The following ASPH variants were observed in gnomAD, a reference collection of about 807,000 sequenced individuals.
ASPH encodes the protein aspartyl/asparaginyl beta-hydroxylase.
Under a neutral mutation model 118.4 loss-of-function variants are expected in ASPH, and 100 were observed. The observed-to-expected ratio is 0.84, with a 90% CI of 0.72 to 1.00. ASPH has a LOEUF of 1.00. Ranked by LOEUF, ASPH falls within the 50% of genes least tolerant of loss-of-function variation. The pLI is 0.00. For missense variants in ASPH, 920 were observed against 919.5 expected, an observed-to-expected ratio of 1.00 and a Z score of -0.01; for synonymous variants, 315 against 325.6, an observed-to-expected ratio of 0.97 and a Z score of 0.35.
At chr8:61,530,663 C>T (rs1249508976) in intron 21 of ASPH, among the ~76,000 whole-genome samples, 1 of 152,182 alleles carries the variant, frequency 6.6e-6, no homozygotes, top group Non-Finnish European at 1.5e-5. Context: ...TAAAGCCTAA[C>T]TCATTTTTAT....
chr8:61,697,431 T>C (rs939749079), intron 1 of ASPH, among the ~76,000 whole-genome samples: 2 of 152,292 alleles, frequency 1.3e-5, no homozygotes, highest in African/African-American at 2.4e-5. Context: ...GGCTGTCCTC[T>C]AATTCAATTC....
At chr8:61,676,119 C>CT (rs1825191531) in intron 3 of ASPH, 1 of 1,599,308 alleles carries the variant, frequency 6.3e-7, no homozygotes, top group Non-Finnish European at 8.5e-7. Flanking sequence ...TTTCCCTGAA[C>CT]CCCTTCATTC....
intron 3 of ASPH, among the ~76,000 whole-genome samples, chr8:61,676,613 A>G (rs1181869212): frequency 6.6e-6 from 1 of 152,120 alleles, no homozygotes; most frequent in Non-Finnish European, 1.5e-5. Context: ...TTATCATCAA[A>G]AATCAATGGA....
chr8:61,637,939 T>C lies in ASPH; in HGVS notation c.889+8A>G. Reference sequence around the variant, plus strand: ...GAAGGTAAAACCACTTCCATAAATTTATCTTACCTTCTACAATTACCTGTG... The same window carrying C: ...GAAGGTAAAACCACTTCCATAAATTCATCTTACCTTCTACAATTACCTGTG... On this transcript the variant is annotated splice_region_variant and intron_variant, in intron 12 of 24. Coordinates refer to ENST00000379454, the MANE Select transcript of ASPH (RefSeq NM_004318.4). 1 of 1,605,588 alleles carries C rather than the reference T, an allele frequency of 6.2e-7. No homozygotes were observed. Among genetic ancestry groups the C allele is most frequent in the South Asian group, 1.1e-5 (1 of 89,278 alleles).
In ASPH at chr8:61,589,086, T is replaced by C. The variant is rs113936919; in HGVS notation, c.977-5057A>G. On this transcript the variant is annotated intron_variant, in intron 14 of 24. Coordinates refer to ENST00000379454, the MANE Select transcript of ASPH (RefSeq NM_004318.4). Reference sequence around the variant, plus strand: ...AGCTACAGAAAACAGGTAAGTGGCTTCAGAGGCTGTGGTGGGAAAAGGGGA... The same window carrying C: ...AGCTACAGAAAACAGGTAAGTGGCTCCAGAGGCTGTGGTGGGAAAAGGGGA... Among the ~76,000 whole-genome samples, 1,193 of 152,298 alleles carry C rather than the reference T, an allele frequency of 7.8e-3. 12 individuals carry two copies. Among genetic ancestry groups the C allele is most frequent in the African/African-American group, 0.026 (1,095 of 41,578 alleles).
At chr8:61,603,191 C>CAAAAAA in intron 14 of ASPH, among the ~76,000 whole-genome samples, 2 of 61,348 alleles carry the variant, frequency 3.3e-5, no homozygotes, top group Non-Finnish European at 2.9e-5. Context: ...AGACTTGTCT[C>CAAAAAA]AAAAAAAAAA....
In ASPH at chr8:61,708,119, G is replaced by A. The variant is rs1014775305; in HGVS notation, c.103+6150C>T. The stretch of plus-strand genomic sequence containing the variant: ...GAATCTGATAATGTTTCATTTCTTC[G>A]CCTATATGGTCAGTACATGGGCATC... On this transcript the variant is annotated intron_variant, in intron 1 of 24. Transcript: ENST00000379454. 4.6e-5 allele frequency among the ~76,000 whole-genome samples: 7 copies of A among 152,014 alleles called. No individual in the cohort carries two copies. The South Asian group carries it at 8.3e-4, about 18-fold the overall frequency.
chr8:61,602,406 C>T (rs1044687624), intron 14 of ASPH, among the ~76,000 whole-genome samples: 1 of 151,132 alleles, frequency 6.6e-6, no homozygotes, highest in Non-Finnish European at 1.5e-5. Flanking sequence ...AAAACCAATT[C>T]CTGAAAAAAA....
Position 61,631,104 on chromosome 8 carries a change from G to A in ASPH, c.934+2579C>T, listed in dbSNP as rs528218323. On this transcript the variant is annotated intron_variant, in intron 13 of 24. Transcript: ENST00000379454. ...ACATTTTTGTATGGCTATATGATAT[G>A]TTTGTGTTTTAAACTAATTTTTATT... Among the ~76,000 whole-genome samples, 74 of 152,226 alleles carry A rather than the reference G, an allele frequency of 4.9e-4. 2 individuals are homozygous for A. The South Asian group carries it at 0.011, about 23-fold the overall frequency.
chr8:61,585,150 T>C (rs1364025906), intron 14 of ASPH, among the ~76,000 whole-genome samples: 1 of 152,118 alleles, frequency 6.6e-6, no homozygotes, highest in African/African-American at 2.4e-5. Flanking sequence ...TAGCAAACAG[T>C]TTTTGGCTCT....
At chr8:61,532,149 C>T (rs931549892) in intron 21 of ASPH, among the ~76,000 whole-genome samples, 2 of 152,166 alleles carry the variant, frequency 1.3e-5, no homozygotes, top group African/African-American at 4.8e-5. Context: ...TACATTTCCA[C>T]CAACAGTGTA....
chr8:61,598,446 T>G (rs1843030502), intron 14 of ASPH, among the ~76,000 whole-genome samples: 1 of 152,142 alleles, frequency 6.6e-6, no homozygotes, highest in African/African-American at 2.4e-5. Context: ...GATCAATTCT[T>G]CAAGAGGACA....
At chr8:61,698,269 T>G (rs1365021074) in intron 1 of ASPH, among the ~76,000 whole-genome samples, 1 of 152,254 alleles carries the variant, frequency 6.6e-6, no homozygotes, top group Non-Finnish European at 1.5e-5. Flanking sequence ...TTTGCCATAT[T>G]TGAATATAGT....
intron 14 of ASPH, among the ~76,000 whole-genome samples, chr8:61,602,901 A>C (rs1844459812): frequency 6.6e-6 from 1 of 152,200 alleles, no homozygotes; most frequent in Non-Finnish European, 1.5e-5. Context: ...ATATCTAAAA[A>C]GAAATTCACA....
Position 61,553,091 on chromosome 8 carries a change from A to G in ASPH, c.1566T>C (p.Thr522=), listed in dbSNP as rs774666922. The change falls in exon 20 of 25, where the codon ACT becomes ACC. Residue 522 remains threonine (T), a synonymous_variant. Coordinates refer to ENST00000379454, the MANE Select transcript of ASPH (RefSeq NM_004318.4). The part of the protein sequence containing the change: ...KEGIESGDPG[T]DDGRFYFHLG... ...GGTGGAAATAAAATCTCCCATCATC[A>G]GTGCCAGGATCTCCGGATTCTATTC... 1 of 1,613,580 alleles carries G rather than the reference A, an allele frequency of 6.2e-7. No individual in the cohort carries two copies. Among genetic ancestry groups the G allele is most frequent in the Non-Finnish European group, 8.5e-7 (1 of 1,179,704 alleles).
intron 3 of ASPH, 180 bp downstream of exon 3, chr8:61,680,788 T>C (rs773827706): frequency 2.0e-5 from 9 of 446,602 alleles, no homozygotes; most frequent in Admixed American, 4.2e-5. Context: ...TAAAAGTAAA[T>C]TGACATGAAA....
At chr8:61,647,838 T>C (rs548298799) in intron 5 of ASPH, among the ~76,000 whole-genome samples, 2 of 152,364 alleles carry the variant, frequency 1.3e-5, no homozygotes, top group South Asian at 2.1e-4. Flanking sequence ...CTATGATATA[T>C]TGAACTGCTC....
chr8:61,530,447 T>G (rs959204886), intron 21 of ASPH, among the ~76,000 whole-genome samples: 1 of 152,212 alleles, frequency 6.6e-6, no homozygotes, highest in Non-Finnish European at 1.5e-5. Context: ...TTCCCAGTTC[T>G]GACCTCATGA....
At chr8:61,671,716 C>T (rs1384053388) in intron 3 of ASPH, among the ~76,000 whole-genome samples, 1 of 152,180 alleles carries the variant, frequency 6.6e-6, no homozygotes, top group Non-Finnish European at 1.5e-5. Flanking sequence ...ACATTCTTCC[C>T]TTAGAACGTA....
Sources: allele counts gnomAD v4.1 joint callset (sites outside exome capture counted in the v4.1 genomes callset), GRCh38; gene constraint gnomAD v4.1.1; transcripts MANE v1.5; gene names NCBI Gene and HGNC (gene_info 2026-07-23, HGNC 2026-07-21).